The following FAM107B variants were observed in gnomAD, a reference collection of about 807,000 sequenced individuals.
FAM107B encodes the protein family with sequence similarity 107 member B, also known as protein FAM107B.
In FAM107B, 21 loss-of-function variants were observed where a neutral mutation model predicts 31.5. That is an observed-to-expected ratio of 0.67 (90% CI 0.47 to 0.96). The LOEUF is 0.96. Among genes scored for constraint, FAM107B ranks in the 40% least tolerant of loss-of-function variants. The probability of loss-of-function intolerance (pLI) is 0.00; values close to 1 mark genes in which losing one functional copy is unlikely to be tolerated. For missense variants in FAM107B, 452 were observed against 377.1 expected (o/e 1.20, Z -1.64); for synonymous variants, 157 against 141.5 (o/e 1.11, Z -0.78).
At chr10:14,677,518 G>A (rs1037192658) in intron 1 of FAM107B, among the ~76,000 whole-genome samples, 6 of 152,204 alleles carry the variant, frequency 3.9e-5, no homozygotes, top group African/African-American at 1.4e-4. Flanking sequence ...CTACTCGGCA[G>A]GCTGAGGCAG....
At chr10:14,652,321 G>C (rs2063493243) in intron 2 of FAM107B, among the ~76,000 whole-genome samples, 1 of 152,202 alleles carries the variant, frequency 6.6e-6, no homozygotes, top group African/African-American at 2.4e-5. Flanking sequence ...GATCCCTGCT[G>C]ATAAACTCAC....
chr10:14,718,775 G>A (rs563781439), intron 1 of FAM107B, among the ~76,000 whole-genome samples: 21 of 152,330 alleles, frequency 1.4e-4, no homozygotes, highest in Non-Finnish European at 2.8e-4. Context: ...GCCAGACATG[G>A]AGAAGTAGTA....
At chr10:14,688,733 C>G (rs984874809) in intron 1 of FAM107B, among the ~76,000 whole-genome samples, 2 of 152,146 alleles carry the variant, frequency 1.3e-5, no homozygotes, top group African/African-American at 4.8e-5. Context: ...AACAGAGCTT[C>G]CATTTTCCAG....
At chr10:14,549,834 A>G (rs961910554) in intron 2 of FAM107B, among the ~76,000 whole-genome samples, 1 of 152,208 alleles carries the variant, frequency 6.6e-6, no homozygotes. Flanking sequence ...TAACAGACAC[A>G]GGAAAACTTA....
rs147577431 is a variant in FAM107B, at chr10:14,574,458, T to C, written c.470-43943A>G. On this transcript the variant is annotated intron_variant, in intron 2 of 4. Coordinates refer to ENST00000181796, the MANE Select transcript of FAM107B (RefSeq NM_031453.4). ...TGGGAAACACTGCTCCCACATACAC[T>C]TGCAGAGTTCCTGCCAATCAGGAGC... Among the ~76,000 whole-genome samples, 147 of 152,344 alleles carry C rather than the reference T, an allele frequency of 9.6e-4. 3 individuals carry two copies. The East Asian group carries it at 0.022, about 23-fold the overall frequency.
intron 2 of FAM107B, among the ~76,000 whole-genome samples, chr10:14,532,043 AG>A (rs1168340850): frequency 6.6e-6 from 1 of 152,230 alleles, no homozygotes; most frequent in African/African-American, 2.4e-5. Flanking sequence ...CACCGGACCC[AG>A]GTCCTTTACT....
chr10:14,727,615 T>G (rs1564275928), intron 1 of FAM107B, among the ~76,000 whole-genome samples: 1 of 152,250 alleles, frequency 6.6e-6, no homozygotes, highest in African/African-American at 2.4e-5. Context: ...GGGATAATTC[T>G]GAGACATGTG....
At chr10:14,737,725 C>T (rs1856334594) in intron 1 of FAM107B, among the ~76,000 whole-genome samples, 2 of 150,194 alleles carry the variant, frequency 1.3e-5, no homozygotes. Flanking sequence ...GAAAACGTTT[C>T]CCAGGCTTCC....
At chr10:14,591,707 G>T (rs139414488) in intron 2 of FAM107B, among the ~76,000 whole-genome samples, 5 of 152,202 alleles carry the variant, frequency 3.3e-5, no homozygotes, top group Non-Finnish European at 5.9e-5. Flanking sequence ...ATCACTACAC[G>T]TGAGACAGTC....
chr10:14,613,957 C>T (rs1019319359), intron 2 of FAM107B, among the ~76,000 whole-genome samples: 1 of 151,962 alleles, frequency 6.6e-6, no homozygotes, highest in African/African-American at 2.4e-5. Flanking sequence ...ATGGTGAAAC[C>T]CTATCTCTAC....
intron 2 of FAM107B, among the ~76,000 whole-genome samples, chr10:14,578,616 C>T (rs1469490813): frequency 1.3e-5 from 2 of 152,120 alleles, no homozygotes; most frequent in South Asian, 4.1e-4. Flanking sequence ...ACATATTTTC[C>T]GGAGTCCGGA....
intron 1 of FAM107B, 57 bp from the exon 2 acceptor site, chr10:14,667,748 TG>T: frequency 1.3e-6 from 2 of 1,567,644 alleles, no homozygotes; most frequent in Non-Finnish European, 1.8e-6. Flanking sequence ...TATGCATTAA[TG>T]TAAGGCAATA....
At chr10:14,560,916 G>A (rs1388144744) in intron 2 of FAM107B, among the ~76,000 whole-genome samples, 2 of 152,170 alleles carry the variant, frequency 1.3e-5, no homozygotes, top group East Asian at 1.9e-4. Flanking sequence ...GACTGTTCTG[G>A]GAGACAGCTG....
chr10:14,519,006 A>G lies in FAM107B; in HGVS notation c.*2184T>C, dbSNP rs1280015234. On this transcript the variant is annotated 3_prime_UTR_variant, in exon 5 of 5. Coordinates refer to ENST00000181796, the MANE Select transcript of FAM107B (RefSeq NM_031453.4). Reference sequence around the variant, plus strand: ...TGAGCCCAGCTCATCTGACAACTTCAAAGAGCTTCTCTGCCTATACATTCC... The same window carrying G: ...TGAGCCCAGCTCATCTGACAACTTCGAAGAGCTTCTCTGCCTATACATTCC... 1 of 152,608 alleles carries G rather than the reference A, an allele frequency of 6.6e-6. No individual in the cohort carries two copies. Among genetic ancestry groups the G allele is most frequent in the African/African-American group, 2.4e-5 (1 of 41,468 alleles). 9.5% of individuals were successfully genotyped at this position (152,608 alleles called of 1,614,324 possible).
intron 2 of FAM107B, among the ~76,000 whole-genome samples, chr10:14,653,084 T>C: frequency 6.6e-6 from 1 of 152,150 alleles, no homozygotes. Flanking sequence ...AATCCCTGAG[T>C]AGAGAGAAGG....
chr10:14,706,149 T>C (rs1160678595), intron 1 of FAM107B, among the ~76,000 whole-genome samples: 1 of 152,250 alleles, frequency 6.6e-6, no homozygotes, highest in Non-Finnish European at 1.5e-5. Context: ...CAGCAGCTCA[T>C]GGAGGCTGTG....
At chr10:14,540,047 C>T (rs964594102) in intron 2 of FAM107B, among the ~76,000 whole-genome samples, 9 of 152,208 alleles carry the variant, frequency 5.9e-5, no homozygotes, top group Admixed American at 3.9e-4. Flanking sequence ...GCAGAGCCTG[C>T]TCCACTCTGC....
chr10:14,675,407 C>T (rs1854658900), intron 1 of FAM107B, among the ~76,000 whole-genome samples: 1 of 152,058 alleles, frequency 6.6e-6, no homozygotes, highest in Non-Finnish European at 1.5e-5. Flanking sequence ...TGGGTAGATG[C>T]TTATTTGGTG....
At chr10:14,704,269 CTGTGTGTG>C (rs113899632) in intron 1 of FAM107B, among the ~76,000 whole-genome samples, 17 of 148,238 alleles carry the variant, frequency 1.1e-4, no homozygotes, top group Non-Finnish European at 1.6e-4. Flanking sequence ...GTAAATTGCT[CTGTGTGTG>C]TGTGTGTGTG....
Sources: gnomAD v4.1 joint callset for allele counts (sites outside exome capture counted in the v4.1 genomes callset) on GRCh38, gnomAD v4.1.1 for gene constraint, MANE v1.5 for transcripts, NCBI Gene and HGNC (gene_info 2026-07-23, HGNC 2026-07-21) for gene names.